UBAC2: variants seen among roughly 807,000 people sequenced by gnomAD.
UBAC2 encodes UBA domain containing 2.
In UBAC2, 26 loss-of-function variants were observed where a neutral mutation model predicts 44.0. That is an observed-to-expected ratio of 0.59 (90% CI 0.43 to 0.82). UBAC2 has a LOEUF of 0.82. Among genes scored for constraint, UBAC2 ranks in the 40% least tolerant of loss-of-function variants. The pLI, the probability that UBAC2 is intolerant of heterozygous loss-of-function variation, is 0.00. For synonymous variants in UBAC2, 155 were observed against 154.3 expected (o/e 1.00, Z -0.04); for missense variants, 329 against 419.4 (o/e 0.78, Z 1.88).
At chr13:99,375,801 CTTTTTTTTT>C (rs34318354) in intron 8 of UBAC2, among the ~76,000 whole-genome samples, 1 of 110,888 alleles carries the variant, frequency 9.0e-6, no homozygotes, top group East Asian at 2.4e-4. Context: ...TCCTTTTTCC[CTTTTTTTTT>C]TTTTTTTTTT....
At chr13:99,354,836 C>T (rs1180927499) in intron 7 of UBAC2, among the ~76,000 whole-genome samples, 1 of 152,052 alleles carries the variant, frequency 6.6e-6, no homozygotes, top group Non-Finnish European at 1.5e-5. Flanking sequence ...GCAGTCATGT[C>T]ATCCAAGAAG....
intron 7 of UBAC2, among the ~76,000 whole-genome samples, chr13:99,367,469 G>GGC (rs1366850124): frequency 5.4e-4 from 82 of 152,342 alleles, no homozygotes; most frequent in Non-Finnish European, 9.0e-4. Flanking sequence ...GGGACAGTCA[G>GGC]TGGCGTCACA....
chr13:99,355,771 C>T (rs932643683), intron 7 of UBAC2, among the ~76,000 whole-genome samples: 4 of 152,134 alleles, frequency 2.6e-5, no homozygotes, highest in African/African-American at 7.2e-5. Context: ...TGCCACAAGC[C>T]CCCCCGCAGC....
intron 8 of UBAC2, among the ~76,000 whole-genome samples, chr13:99,373,437 C>G (rs900018266): frequency 3.3e-5 from 5 of 152,184 alleles, no homozygotes; most frequent in African/African-American, 1.2e-4. Flanking sequence ...CTCTTCGATT[C>G]ATGTCTTTCT....
rs548492753 is a variant in UBAC2 at position 99,215,521 on chromosome 13, T to C, written c.31+14582T>C. ...CAAGTGACGAGGGGTAATATACACT[T>C]TACCTTTAAGTCTTTTGATGCATTT... is the stretch of plus-strand genomic sequence containing the variant. On this transcript the variant is annotated intron_variant, in intron 1 of 8. Transcript: ENST00000403766. 2.7e-5 allele frequency: 40 copies of C among 1,471,268 alleles called. No homozygotes were observed. The African/African-American group carries it at 3.9e-4, about 14-fold the overall frequency. The allele number at this position is 1,471,268 out of a possible 1,614,324, so 91.1% of individuals were successfully genotyped here. A position where few individuals can be genotyped will look rare whatever the true frequency, so the allele number is the denominator to read the frequency against.
chr13:99,292,953 A>C (rs1449614794), intron 4 of UBAC2, among the ~76,000 whole-genome samples: 1 of 152,228 alleles, frequency 6.6e-6, no homozygotes, highest in Non-Finnish European at 1.5e-5. Flanking sequence ...CCTGGTTAGG[A>C]GAATGCCCCG....
chr13:99,371,871 C>A (rs1383816684), intron 8 of UBAC2, among the ~76,000 whole-genome samples: 4 of 152,178 alleles, frequency 2.6e-5, no homozygotes, highest in African/African-American at 9.7e-5. Context: ...AATGTGCATC[C>A]TTTAATAAAT....
Position 99,236,717 on chromosome 13 carries a change from G to A in UBAC2, c.32-1710G>A, listed in dbSNP as rs554638544. Among the ~76,000 whole-genome samples, 177 of 152,284 alleles carry A rather than the reference G, an allele frequency of 1.2e-3. 1 individual carries two copies. The highest frequency in any genetic ancestry group is 4.1e-3 in the African/African-American group (169 of 41,546). On this transcript the variant is annotated intron_variant, in intron 1 of 8. Transcript: ENST00000403766. ...ATACAGAAATTAGCTGGGCATGGTG[G>A]TGGGTGCCTGTAATCCCAGGTACTT...
intron 4 of UBAC2, among the ~76,000 whole-genome samples, chr13:99,272,149 G>A (rs764265446): frequency 3.9e-5 from 6 of 152,122 alleles, no homozygotes; most frequent in Non-Finnish European, 8.8e-5. Flanking sequence ...ACCTCTTTTA[G>A]CTCTACTAGA....
chr13:99,266,154 T>C (rs2043740847), intron 4 of UBAC2, among the ~76,000 whole-genome samples: 1 of 151,912 alleles, frequency 6.6e-6, no homozygotes, highest in Non-Finnish European at 1.5e-5. Context: ...AGCTATTAAT[T>C]GGTAGAATAT....
At chr13:99,360,069 T>A (rs1428631645) in intron 7 of UBAC2, among the ~76,000 whole-genome samples, 2 of 152,178 alleles carry the variant, frequency 1.3e-5, no homozygotes, top group East Asian at 3.8e-4. Context: ...AAACATCGCA[T>A]TCATAATGCC....
At chr13:99,341,038 T>A (rs1411597821) in intron 7 of UBAC2, among the ~76,000 whole-genome samples, 1 of 152,148 alleles carries the variant, frequency 6.6e-6, no homozygotes, top group Non-Finnish European at 1.5e-5. Flanking sequence ...AAAAATGCTG[T>A]GTTTTCTCAA....
intron 4 of UBAC2, among the ~76,000 whole-genome samples, chr13:99,260,448 G>C (rs753938253): frequency 6.6e-6 from 1 of 152,214 alleles, no homozygotes; most frequent in Non-Finnish European, 1.5e-5. Context: ...TGGGCCTTGA[G>C]TCAGCAGGCA....
intron 7 of UBAC2, among the ~76,000 whole-genome samples, chr13:99,341,656 A>G (rs1594145956): frequency 1.3e-5 from 2 of 152,326 alleles, no homozygotes; most frequent in African/African-American, 4.8e-5. Flanking sequence ...AGCCGAAAGC[A>G]AAGAAGTAGT....
intron 4 of UBAC2, chr13:99,256,387 G>A (rs1371285625): frequency 1.3e-5 from 2 of 152,214 alleles, no homozygotes; most frequent in Non-Finnish European, 2.9e-5. Context: ...GTCATGGTCA[G>A]CAGATCAAGA....
intron 1 of UBAC2, among the ~76,000 whole-genome samples, chr13:99,221,191 C>A (rs1483212736): frequency 6.6e-6 from 1 of 152,174 alleles, no homozygotes; most frequent in Non-Finnish European, 1.5e-5. Context: ...ATTGTTGTAG[C>A]AGAATCTTTG....
At chr13:99,353,982 A>C (rs1227826116) in intron 7 of UBAC2, among the ~76,000 whole-genome samples, 1 of 152,282 alleles carries the variant, frequency 6.6e-6, no homozygotes, top group East Asian at 1.9e-4. Flanking sequence ...ATTAGAGCAC[A>C]GATTAGCCAT....
chr13:99,220,728 C>T (rs147955072), intron 1 of UBAC2, among the ~76,000 whole-genome samples: 137 of 152,198 alleles, frequency 9.0e-4, no homozygotes, highest in East Asian at 6.4e-3. Context: ...GGGTTCTGTG[C>T]GTATGAACCA....
At position 99,385,277 on chromosome 13, in the gene UBAC2, C is replaced by T; in HGVS notation, c.977C>T (p.Ala326Val). 1 of 1,614,158 alleles carries T rather than the reference C, an allele frequency of 6.2e-7. No homozygotes were observed. The highest frequency in any genetic ancestry group is 8.5e-7 in the Non-Finnish European group (1 of 1,180,036). Reference sequence around the variant, plus strand: ...TTTTCCAGAGGTGATGCTTTGGAAGCCCTGAGAGCTTCAAACAATGACCTC... The same window carrying T: ...TTTTCCAGAGGTGATGCTTTGGAAGTCCTGAGAGCTTCAAACAATGACCTC... Reference protein sequence around the residue: ...MGFSRGDALEALRASNNDLNV... With the variant: ...MGFSRGDALEVLRASNNDLNV... The change falls in exon 9 of 9, where the codon GCC becomes GTC. Residue 326 changes from alanine (A) to valine (V), a missense_variant. Physicochemically the swap from Ala to Val is moderately conservative, Grantham distance 64. Coordinates refer to ENST00000403766, the MANE Select transcript of UBAC2 (RefSeq NM_001144072.2).
Sources: allele counts gnomAD v4.1 joint callset (sites outside exome capture counted in the v4.1 genomes callset), GRCh38; gene constraint gnomAD v4.1.1; transcripts MANE v1.5; gene names NCBI Gene and HGNC (gene_info 2026-07-23, HGNC 2026-07-21).